The following GPC6 variants were observed in gnomAD, a reference collection of about 807,000 sequenced individuals.
The protein encoded by GPC6 is glypican-6.
In GPC6, 14 loss-of-function variants were observed where a neutral mutation model predicts 55.2. The ratio of observed to expected loss-of-function variants is 0.25; its 90% CI spans 0.17 to 0.40. GPC6 has a LOEUF of 0.40. Ranked by LOEUF, GPC6 falls within the 10% of genes least tolerant of loss-of-function variation. The pLI is 1.00. For missense variants in GPC6, 641 were observed against 708.5 expected (o/e 0.90, Z 1.08); for synonymous variants, 278 against 259.6 (o/e 1.07, Z -0.68).
chr13:93,620,190 A>C (rs1047416266), intron 2 of GPC6, among the ~76,000 whole-genome samples: 1 of 152,194 alleles, frequency 6.6e-6, no homozygotes, highest in Non-Finnish European at 1.5e-5. Flanking sequence ...TATTGCATTC[A>C]TAATCTTAAA....
At chr13:93,872,883 A>C (rs964627917) in intron 3 of GPC6, among the ~76,000 whole-genome samples, 5 of 151,986 alleles carry the variant, frequency 3.3e-5, no homozygotes, top group Non-Finnish European at 7.4e-5. Context: ...AATACAGAAA[A>C]ATTATGCCAT....
At chr13:93,925,201 T>A (rs1877791021) in intron 3 of GPC6, among the ~76,000 whole-genome samples, 1 of 152,174 alleles carries the variant, frequency 6.6e-6, no homozygotes, top group Non-Finnish European at 1.5e-5. Flanking sequence ...ACAAACTCAC[T>A]TAAGGCCATA....
chr13:93,325,103 A>C (rs964770120), intron 1 of GPC6, among the ~76,000 whole-genome samples: 21 of 115,830 alleles, frequency 1.8e-4, no homozygotes, highest in African/African-American at 6.4e-4. Context: ...AAAGATGAAA[A>C]ATTTGCATGC....
intron 4 of GPC6, among the ~76,000 whole-genome samples, chr13:94,180,447 A>G (rs1222156864): frequency 6.6e-6 from 1 of 152,206 alleles, no homozygotes; most frequent in Non-Finnish European, 1.5e-5. Flanking sequence ...TGAAGCCACA[A>G]TAAATGTATT....
chr13:94,003,774 A>C (rs78664113), intron 3 of GPC6, among the ~76,000 whole-genome samples: 291 of 152,244 alleles, frequency 1.9e-3, no homozygotes, highest in African/African-American at 6.5e-3. Context: ...GGACATTTTG[A>C]TAATTATAAT....
intron 4 of GPC6, among the ~76,000 whole-genome samples, chr13:94,272,463 C>CTTTTTTTTTTTTTTTTTTTTTTTTTTT (rs555664508): frequency 1.0e-4 from 9 of 85,746 alleles, no homozygotes; most frequent in Non-Finnish European, 1.9e-4. Flanking sequence ...CTTTTCTTTT[C>CTTTTTTTTTTTTTTTTTTTTTTTTTTT]TTTTTTTTTT....
intron 2 of GPC6, among the ~76,000 whole-genome samples, chr13:93,746,475 A>G (rs1255677052): frequency 6.6e-6 from 1 of 152,164 alleles, no homozygotes; most frequent in African/African-American, 2.4e-5. Flanking sequence ...GCCTTTCTTA[A>G]TCTACCACTC....
intron 1 of GPC6, chr13:93,395,781 AT>A (rs1875827711): frequency 6.6e-6 from 1 of 152,664 alleles, no homozygotes; most frequent in Non-Finnish European, 1.5e-5. Context: ...CAGCCCTCTG[AT>A]GAAGAGCTTC....
chr13:94,343,915 G>A lies in GPC6; in HGVS notation c.1152+37792G>A, dbSNP rs553153751. 3.9e-5 allele frequency among the ~76,000 whole-genome samples: 6 copies of A among 152,122 alleles called. No homozygotes were observed. In the South Asian group the frequency reaches 1.2e-3, roughly 32 times the overall value. On this transcript the variant is annotated intron_variant, in intron 6 of 8. Transcript: ENST00000377047. ...CCAGCTAATTTTTGTATTTTTTGTAGAGACCAGGTCTCACTATGTTGCCCA... is the reference window on the plus strand; with the variant it reads ...CCAGCTAATTTTTGTATTTTTTGTAAAGACCAGGTCTCACTATGTTGCCCA...
intron 2 of GPC6, among the ~76,000 whole-genome samples, chr13:93,713,615 T>C (rs990945545): frequency 5.3e-5 from 8 of 151,622 alleles, no homozygotes; most frequent in Non-Finnish European, 7.4e-5. Flanking sequence ...AGTACATACT[T>C]TATGATTTTA....
chr13:93,566,765 C>G (rs537526018), intron 2 of GPC6, among the ~76,000 whole-genome samples: 76 of 152,090 alleles, frequency 5.0e-4, no homozygotes, highest in Middle Eastern at 3.4e-3. Context: ...CTCCCTGTAC[C>G]CATATGTTCT....
chr13:94,275,532 T>G (rs928821900), intron 4 of GPC6, among the ~76,000 whole-genome samples: 1 of 152,080 alleles, frequency 6.6e-6, no homozygotes, highest in African/African-American at 2.4e-5. Flanking sequence ...GGAGAAGACC[T>G]GTGTTAAGTA....
chr13:93,762,716 T>C (rs541394054), intron 2 of GPC6, among the ~76,000 whole-genome samples: 1 of 152,214 alleles, frequency 6.6e-6, no homozygotes, highest in Non-Finnish European at 1.5e-5. Context: ...CTAACCAGCC[T>C]TTATGGATAA....
At chr13:93,820,336 A>G (rs1887001214) in intron 2 of GPC6, among the ~76,000 whole-genome samples, 1 of 152,094 alleles carries the variant, frequency 6.6e-6, no homozygotes, top group African/African-American at 2.4e-5. Context: ...TTCTACTTAT[A>G]TATAATTTAA....
At chr13:93,856,258 T>C (rs1364562606) in intron 3 of GPC6, among the ~76,000 whole-genome samples, 2 of 151,538 alleles carry the variant, frequency 1.3e-5, no homozygotes, top group Non-Finnish European at 3.0e-5. Context: ...CAACAGCAGC[T>C]GAAAGTTGAG....
At chr13:93,666,281 T>C (rs1881131985) in intron 2 of GPC6, among the ~76,000 whole-genome samples, 1 of 152,140 alleles carries the variant, frequency 6.6e-6, no homozygotes, top group Non-Finnish European at 1.5e-5. Flanking sequence ...AATGAATACA[T>C]ATCTTTTCAA....
intron 2 of GPC6, among the ~76,000 whole-genome samples, chr13:93,810,888 T>G (rs2138950807): frequency 6.6e-6 from 1 of 152,330 alleles, no homozygotes; most frequent in South Asian, 2.1e-4. Flanking sequence ...GATAAGAAAC[T>G]GATAACCAGT....
chr13:93,919,386 C>T (rs1237361499), intron 3 of GPC6, among the ~76,000 whole-genome samples: 2 of 152,208 alleles, frequency 1.3e-5, no homozygotes, highest in African/African-American at 4.8e-5. Flanking sequence ...AAAAACACTG[C>T]TTCTGTGGCA....
At chr13:94,213,012 C>A (rs550207873) in intron 4 of GPC6, among the ~76,000 whole-genome samples, 1 of 151,990 alleles carries the variant, frequency 6.6e-6, no homozygotes, top group Non-Finnish European at 1.5e-5. Context: ...AAAAATTAGC[C>A]GAGCGTGATG....
Sources: allele counts gnomAD v4.1 joint callset (sites outside exome capture counted in the v4.1 genomes callset), GRCh38; gene constraint gnomAD v4.1.1; transcripts MANE v1.5; gene names NCBI Gene and HGNC (gene_info 2026-07-23, HGNC 2026-07-21).